Variants in VAV1 observed in about 807,000 individuals in gnomAD.
VAV1 encodes the protein vav guanine nucleotide exchange factor 1, also known as proto-oncogene vav.
A neutral mutation model predicts 128.1 loss-of-function variants in VAV1; 33 were observed. The observed-to-expected ratio is 0.26, with a 90% confidence interval of 0.20 to 0.34. The LOEUF is 0.34. Among genes scored for constraint, VAV1 ranks in the 10% least tolerant of loss-of-function variants. The pLI is 1.00. For synonymous variants in VAV1, 394 were observed against 409.8 expected (o/e 0.96, Z 0.47); for missense variants, 715 against 1,093.7 (o/e 0.65, Z 4.88).
intron 19 of VAV1, among the ~76,000 whole-genome samples, chr19:6,835,637 G>A (rs147626890): frequency 2.6e-4 from 40 of 152,274 alleles, no homozygotes; most frequent in African/African-American, 7.5e-4. Context: ...TACAGTACAT[G>A]CTTATTTCAT....
At chr19:6,818,081 A>G (rs187314297) in intron 1 of VAV1, among the ~76,000 whole-genome samples, 6 of 152,038 alleles carry the variant, frequency 3.9e-5, no homozygotes, top group Admixed American at 2.6e-4. Context: ...CCACCTCCCA[A>G]CGTGCTGGGA....
chr19:6,854,602 G>T (rs1972749761), intron 26 of VAV1, among the ~76,000 whole-genome samples: 1 of 151,936 alleles, frequency 6.6e-6, no homozygotes, highest in Non-Finnish European at 1.5e-5. Context: ...TGTGTCCCAG[G>T]TACTCAGGAA....
At chr19:6,839,295 C>T (rs780827407) in intron 21 of VAV1, among the ~76,000 whole-genome samples, 30 of 151,852 alleles carry the variant, frequency 2.0e-4, no homozygotes, top group South Asian at 6.2e-4. Context: ...CTCAAGCAAT[C>T]CTCTCATAGA....
intron 21 of VAV1, among the ~76,000 whole-genome samples, chr19:6,837,770 G>A (rs1972257095): frequency 6.6e-6 from 1 of 151,942 alleles, no homozygotes; most frequent in African/African-American, 2.4e-5. Flanking sequence ...ATTTTTCCTG[G>A]AAGAGTTAAA....
chr19:6,817,522 T>C (rs569690762), intron 1 of VAV1, among the ~76,000 whole-genome samples: 6 of 152,104 alleles, frequency 3.9e-5, no homozygotes, highest in Non-Finnish European at 8.8e-5. Flanking sequence ...TAAGGTACTA[T>C]CATAGTTGCT....
At chr19:6,843,009 G>C in intron 21 of VAV1, 126 bp from the exon 22 acceptor site, 2 of 1,023,532 alleles carry the variant, frequency 2.0e-6, no homozygotes, top group Non-Finnish European at 3.1e-6. Context: ...CACAGTGCCT[G>C]GCACATAATA....
At chr19:6,784,189 T>G (rs576666326) in intron 1 of VAV1, 37 of 621,924 alleles carry the variant, frequency 5.9e-5, no homozygotes, top group African/African-American at 4.7e-4. Flanking sequence ...AGGAGTTTGA[T>G]GCTGCAGTGA....
chr19:6,787,039 A>G (rs1385155330), intron 1 of VAV1, among the ~76,000 whole-genome samples: 1 of 105,546 alleles, frequency 9.5e-6, no homozygotes, highest in Non-Finnish European at 2.0e-5. Flanking sequence ...TTTTTTTGAG[A>G]TGGAGTCTTG....
At chr19:6,845,358 C>G (rs1012002378) in intron 22 of VAV1, among the ~76,000 whole-genome samples, 1 of 152,120 alleles carries the variant, frequency 6.6e-6, no homozygotes, top group South Asian at 2.1e-4. Context: ...GCACTCCAGC[C>G]TGGGCAACAG....
intron 21 of VAV1, among the ~76,000 whole-genome samples, 181 bp from the exon 22 acceptor site, chr19:6,842,954 G>T (rs1333538758): frequency 6.6e-6 from 1 of 152,136 alleles, no homozygotes; most frequent in East Asian, 1.9e-4. Flanking sequence ...TGATACTGGG[G>T]CAGTCTCTCC....
chr19:6,803,040 A>G (rs1188880590), intron 1 of VAV1, among the ~76,000 whole-genome samples: 1 of 152,222 alleles, frequency 6.6e-6, no homozygotes, highest in Non-Finnish European at 1.5e-5. Flanking sequence ...GTCCTTCGGT[A>G]GATGAATGCG....
At chr19:6,812,546 G>T (rs1971536325) in intron 1 of VAV1, among the ~76,000 whole-genome samples, 2 of 152,086 alleles carry the variant, frequency 1.3e-5, no homozygotes, top group African/African-American at 4.8e-5. Flanking sequence ...TGTAATCCCA[G>T]CTGTTCGAGA....
intron 26 of VAV1, among the ~76,000 whole-genome samples, chr19:6,855,637 A>T (rs1018732679): frequency 2.0e-5 from 3 of 152,038 alleles, no homozygotes; most frequent in Non-Finnish European, 4.4e-5. Context: ...CTATCTGTGC[A>T]TCCATCCATC....
At position 6,800,206 on chromosome 19, in the gene VAV1, T is replaced by A. The variant is rs569232020; in HGVS notation, c.205-20496T>A. On this transcript the variant is annotated intron_variant, in intron 1 of 26. Coordinates refer to ENST00000602142, the MANE Select transcript of VAV1 (RefSeq NM_005428.4). ...GTGCTGGAATTGCAAGGTAAAAAAA[T>A]AATAGTAATAACAAGGAAAACGTAC... 2.6e-5 allele frequency among the ~76,000 whole-genome samples: 4 copies of A among 151,840 alleles called. 1 individual carries two copies.
chr19:6,811,976 T>C (rs899812192), intron 1 of VAV1, among the ~76,000 whole-genome samples: 4 of 151,952 alleles, frequency 2.6e-5, no homozygotes, highest in African/African-American at 9.7e-5. Flanking sequence ...CTGCAGAAAA[T>C]AGGGAGAGAG....
chr19:6,830,843 T>C (rs1275743748), intron 14 of VAV1, among the ~76,000 whole-genome samples: 1 of 152,096 alleles, frequency 6.6e-6, no homozygotes, highest in Non-Finnish European at 1.5e-5. Context: ...ATCCCAGTAC[T>C]TTGGGAGGCC....
intron 1 of VAV1, among the ~76,000 whole-genome samples, chr19:6,797,699 G>A (rs10416979): frequency 0.065 from 9,502 of 146,446 alleles, 995 homozygotes; most frequent in African/African-American, 0.23. Flanking sequence ...GTGAAAGATC[G>A]CGCCATTGCA....
chr19:6,852,724 GA>G (rs1021955099), intron 24 of VAV1, among the ~76,000 whole-genome samples: 65 of 141,606 alleles, frequency 4.6e-4, no homozygotes, highest in East Asian at 6.2e-4. Context: ...CCGTCTCAAA[GA>G]AAAAAAAAAA....
rs747491692 is a variant in VAV1 at position 6,828,744 on chromosome 19, C to T, written c.1179+36C>T. ...GGAGCCGGGTGGGCCAGGGGTGTGG[C>T]CACGTGGGGAGAGTGTGTGTCTGGC... On this transcript the variant is annotated intron_variant, in intron 12 of 26. Transcript: ENST00000602142. The surrounding 1 kb of genome is among the most constrained non-coding windows in gnomAD (Gnocchi z 4.5). The T allele has an allele frequency of 1.2e-5, 20 of 1,613,844 alleles. No homozygotes were observed. In the Admixed American group the frequency reaches 3.3e-4, roughly 27 times the overall value.
Sources: allele counts gnomAD v4.1 joint callset (sites outside exome capture counted in the v4.1 genomes callset), GRCh38; gene constraint gnomAD v4.1.1; non-coding constraint Gnocchi (gnomAD v3.1); transcripts MANE v1.5; gene names NCBI Gene and HGNC (gene_info 2026-07-23, HGNC 2026-07-21).